ZKSCAN1: variants seen among roughly 807,000 people sequenced by gnomAD.
ZKSCAN1 encodes the protein zinc finger with KRAB and SCAN domains 1, also known as zinc finger protein with KRAB and SCAN domains 1.
A neutral mutation model predicts 51.6 loss-of-function variants in ZKSCAN1; 14 were observed. The ratio of observed to expected loss-of-function variants is 0.27; its 90% confidence interval spans 0.18 to 0.42. The LOEUF is 0.42. ZKSCAN1 is among the 10% of genes least tolerant of loss of function. The pLI is 1.00. For synonymous variants in ZKSCAN1, 263 were observed against 261.5 expected (o/e 1.01, Z -0.06); for missense variants, 531 against 710.0 (o/e 0.75, Z 2.86).
chr7:100,041,520 T>G lies in ZKSCAN1; in HGVS notation c.*7323T>G, dbSNP rs1006662589. On this transcript the variant is annotated 3_prime_UTR_variant, in exon 6 of 6. Transcript: ENST00000324306. The stretch of plus-strand genomic sequence containing the variant: ...AGAGAAAAGGCAGCATAATGAAATG[T>G]GTACACATACATAGTCAGTGGTCCA... 4.1e-6 allele frequency: 4 copies of G among 985,124 alleles called. No homozygotes were observed. Among genetic ancestry groups the G allele is most frequent in the Non-Finnish European group, 4.8e-6 (4 of 829,942 alleles). 61.0% of individuals were successfully genotyped at this position (985,124 alleles called of 1,614,324 possible).
chr7:100,028,884 G>A (rs935052485), intron 3 of ZKSCAN1, among the ~76,000 whole-genome samples: 1 of 152,026 alleles, frequency 6.6e-6, no homozygotes, highest in Non-Finnish European at 1.5e-5. Context: ...GCCAGAGGTG[G>A]CCGGACACAG....
chr7:100,044,039 G>C (rs1002432532), downstream of ZKSCAN1, among the ~76,000 whole-genome samples: 1 of 151,590 alleles, frequency 6.6e-6, no homozygotes, highest in African/African-American at 2.4e-5. Flanking sequence ...AGCCTCCCAG[G>C]GTGCTGGGAT....
chr7:100,025,313 G>A (rs1252053574), intron 3 of ZKSCAN1, among the ~76,000 whole-genome samples: 1 of 107,558 alleles, frequency 9.3e-6, no homozygotes, highest in African/African-American at 3.5e-5. Context: ...CAGAGAGTCT[G>A]TTTCCAAAAA....
At chr7:100,024,486 C>A in intron 3 of ZKSCAN1, 179 bp downstream of exon 3, 1 of 774,082 alleles carries the variant, frequency 1.3e-6, no homozygotes, top group Non-Finnish European at 2.0e-6. Flanking sequence ...TCCAGCTACG[C>A]AGGAGGCTGA....
rs937970615 is a variant in ZKSCAN1, at chr7:100,038,343, C to T, written c.*4146C>T. On this transcript the variant is annotated 3_prime_UTR_variant, in exon 6 of 6. Coordinates refer to ENST00000324306, the MANE Select transcript of ZKSCAN1 (RefSeq NM_003439.4). The stretch of plus-strand genomic sequence containing the variant: ...ATCAGTGTGATTGTAGACAAAAAGT[C>T]GGTTCACAGAACGGAGCAGCGGGGA... The T allele has an allele frequency of 5.1e-6, 5 of 985,296 alleles. No individual in the cohort carries two copies. The highest frequency in any genetic ancestry group is 3.5e-5 in the African/African-American group (2 of 57,220). 61.0% of individuals were successfully genotyped at this position (985,296 alleles called of 1,614,324 possible).
At chr7:100,022,637 C>T (rs1268500045) in intron 1 of ZKSCAN1, among the ~76,000 whole-genome samples, 1 of 152,198 alleles carries the variant, frequency 6.6e-6, no homozygotes, top group Non-Finnish European at 1.5e-5. Context: ...AAAGTAGGTC[C>T]CAGGGCTTCA....
intron 1 of ZKSCAN1, among the ~76,000 whole-genome samples, chr7:100,018,761 G>T (rs1790479308): frequency 6.6e-6 from 1 of 152,180 alleles, no homozygotes. Context: ...TATGTGCTCA[G>T]ATCATCTGGG....
In ZKSCAN1 at chr7:100,033,498, G is replaced by A. The variant is rs760334800; in HGVS notation, c.993G>A (p.Gly331=). The part of the protein sequence containing the change: ...EKTRKEKRDS[G]PAIGKDKKTI... The stretch of plus-strand genomic sequence containing the variant: ...CCAGGAAAGAGAAAAGAGATTCAGG[G>A]CCAGCTATAGGAAAGGACAAAAAAA... Residue 331 remains glycine (G), a synonymous_variant, in exon 6 of 6, where the codon GGG becomes GGA. Coordinates refer to ENST00000324306, the MANE Select transcript of ZKSCAN1 (RefSeq NM_003439.4). This position sits in a 1 kb window ranked among gnomAD's most constrained non-coding sequence, Gnocchi z 4.1. 12 of 1,613,974 alleles carry A rather than the reference G, an allele frequency of 7.4e-6. No homozygotes were observed. The highest frequency in any genetic ancestry group is 1.0e-5 in the Non-Finnish European group (12 of 1,179,960).
At position 100,033,825 on chromosome 7, in the gene ZKSCAN1, G is replaced by A. The variant is rs1791224250; in HGVS notation, c.1320G>A (p.Lys440=). 6.2e-7 allele frequency: 1 copy of A among 1,614,076 alleles called. No individual in the cohort carries two copies. Among genetic ancestry groups the A allele is most frequent in the African/African-American group, 1.3e-5 (1 of 74,916 alleles). Residue 440 remains lysine, a synonymous_variant, in exon 6 of 6, where the codon AAG becomes AAA. Coordinates refer to ENST00000324306, the MANE Select transcript of ZKSCAN1 (RefSeq NM_003439.4). The surrounding 1 kb of genome is among the most constrained non-coding windows in gnomAD (Gnocchi z 4.1). The stretch of plus-strand genomic sequence containing the variant: ...CTCATGAATGTAACGAGTGTGGCAA[G>A]GCCTTCAGCCACAGTTCCAATCTCA... ...EKPHECNECG[K]AFSHSSNLIL...
In ZKSCAN1 at chr7:100,035,846, C is replaced by T. The variant is rs1791336694; in HGVS notation, c.*1649C>T. 1 of 985,380 alleles carries T rather than the reference C, an allele frequency of 1.0e-6. No individual in the cohort carries two copies. Among genetic ancestry groups the T allele is most frequent in the Non-Finnish European group, 1.2e-6 (1 of 829,942 alleles). The allele number at this position is 985,380 out of a possible 1,614,324, so 61.0% of individuals were successfully genotyped here. On this transcript the variant is annotated 3_prime_UTR_variant, in exon 6 of 6. Coordinates refer to ENST00000324306, the MANE Select transcript of ZKSCAN1 (RefSeq NM_003439.4). The stretch of plus-strand genomic sequence containing the variant: ...TGATGGCAGGAGACTGTTTCACACA[C>T]AGGAGATTGTGAGCTGTGTAAGTAG...
intron 3 of ZKSCAN1, chr7:100,024,972 T>G (rs1283961791): frequency 6.6e-6 from 1 of 151,724 alleles, no homozygotes; most frequent in Non-Finnish European, 1.5e-5. Context: ...GCTTGTTTTT[T>G]GTTTTTAGTT....
chr7:100,020,513 A>T (rs1246193017), intron 1 of ZKSCAN1, among the ~76,000 whole-genome samples: 2 of 151,904 alleles, frequency 1.3e-5, no homozygotes, highest in Admixed American at 6.6e-5. Flanking sequence ...GAACTAGATT[A>T]AAAAAAATAA....
chr7:100,031,423 A>G (rs560462111), intron 5 of ZKSCAN1, among the ~76,000 whole-genome samples: 1 of 151,976 alleles, frequency 6.6e-6, no homozygotes, highest in Admixed American at 6.6e-5. Flanking sequence ...GACTACAGGC[A>G]TGCATCACCA....
downstream of ZKSCAN1, among the ~76,000 whole-genome samples, chr7:100,042,699 T>C (rs1791629400): frequency 6.6e-6 from 1 of 150,664 alleles, no homozygotes; most frequent in South Asian, 2.1e-4. Context: ...ATTTTTATTA[T>C]ATATACACAT....
chr7:100,026,389 G>A (rs1488059850), intron 3 of ZKSCAN1, among the ~76,000 whole-genome samples: 1 of 152,034 alleles, frequency 6.6e-6, no homozygotes, highest in Non-Finnish European at 1.5e-5. Flanking sequence ...TAGAAACACT[G>A]TACACTTAGG....
rs1791587633 is a variant in ZKSCAN1, at chr7:100,041,417, G to GT, written c.*7226dup. 1.0e-6 allele frequency: 1 copy of GT among 985,198 alleles called. No homozygotes were observed. Among genetic ancestry groups the GT allele is most frequent in the African/African-American group, 1.7e-5 (1 of 57,176 alleles). 61.0% of individuals were successfully genotyped at this position (985,198 alleles called of 1,614,324 possible). Reference sequence around the variant, plus strand: ...ATAATGGAATCTTAGAGGAAAAGTGGTTTTTTAAAAGCTAGGGAACTCCTC... The same window carrying GT: ...ATAATGGAATCTTAGAGGAAAAGTGGTTTTTTTAAAAGCTAGGGAACTCCTC... On this transcript the variant is annotated 3_prime_UTR_variant, in exon 6 of 6. Coordinates refer to ENST00000324306, the MANE Select transcript of ZKSCAN1 (RefSeq NM_003439.4).
rs1240191316 is a variant in ZKSCAN1, at chr7:100,036,570, T to C, written c.*2373T>C. 2 of 760,070 alleles carry C rather than the reference T, an allele frequency of 2.6e-6. No individual in the cohort carries two copies. Among genetic ancestry groups the C allele is most frequent in the Non-Finnish European group, 3.2e-6 (2 of 624,610 alleles). The allele number at this position is 760,070 out of a possible 1,614,324, so 47.1% of individuals were successfully genotyped here. ...CCGTCTCTACTAAAATTATAAAAAT[T>C]AGCCGGGCATGATGGTGGGCACCTG... is the stretch of plus-strand genomic sequence containing the variant. On this transcript the variant is annotated 3_prime_UTR_variant, in exon 6 of 6. Coordinates refer to ENST00000324306, the MANE Select transcript of ZKSCAN1 (RefSeq NM_003439.4).
At position 100,023,536 on chromosome 7, in the gene ZKSCAN1, G is replaced by A. The variant is rs1258350965; in HGVS notation, c.30G>A (p.Thr10=). The A allele has an allele frequency of 1.1e-5, 18 of 1,612,616 alleles. No homozygotes were observed. Among genetic ancestry groups the A allele is most frequent in the East Asian group, 4.5e-5 (2 of 44,878 alleles). The change falls in exon 2 of 6, where the codon ACG becomes ACA. Residue 10 remains threonine (T), a synonymous_variant. Transcript: ENST00000324306. ...TGACTGCTGAATCACGGGAAGCCACGGGTCTGTCCCCACAGGCTGCACAGG... is the reference window on the plus strand; with the variant it reads ...TGACTGCTGAATCACGGGAAGCCACAGGTCTGTCCCCACAGGCTGCACAGG... The part of the protein sequence containing the change: MMTAESREA[T]GLSPQAAQEK...
Position 100,033,714 on chromosome 7 carries a change from G to A in ZKSCAN1, c.1209G>A (p.Lys403=). The change falls in exon 6 of 6, where the codon AAG becomes AAA. Residue 403 remains lysine (K), a synonymous_variant. Transcript: ENST00000324306. The surrounding 1 kb of genome is among the most constrained non-coding windows in gnomAD (Gnocchi z 4.1). ...ATAAAATAATCCACACTGGAGAAAA[G>A]CCCTATGAATGTAGTGAGTGTGGGA... ...IRHKIIHTGE[K]PYECSECGKA... The A allele has an allele frequency of 6.2e-7, 1 of 1,614,202 alleles. No homozygotes were observed. Among genetic ancestry groups the A allele is most frequent in the Non-Finnish European group, 8.5e-7 (1 of 1,180,044 alleles).
Sources: allele counts gnomAD v4.1 joint callset (sites outside exome capture counted in the v4.1 genomes callset), GRCh38; gene constraint gnomAD v4.1.1; non-coding constraint Gnocchi (gnomAD v3.1); transcripts MANE v1.5; gene names NCBI Gene and HGNC (gene_info 2026-07-23, HGNC 2026-07-21).